The following TSPAN12 variants were observed in gnomAD, a reference collection of about 807,000 sequenced individuals.
The protein encoded by TSPAN12 is tetraspanin 12.
TSPAN12 carries 19 observed loss-of-function variants against 39.2 expected under a neutral mutation model. That is an observed-to-expected ratio of 0.49 (90% CI 0.34 to 0.71). TSPAN12 has a LOEUF of 0.71. Among genes scored for constraint, TSPAN12 ranks in the 30% least tolerant of loss-of-function variants. The pLI is 0.01. For synonymous variants in TSPAN12, 119 were observed against 124.8 expected (o/e 0.95, Z 0.31); for missense variants, 314 against 359.9 (o/e 0.87, Z 1.03).
intron 5 of TSPAN12, among the ~76,000 whole-genome samples, chr7:120,811,679 AAAAAG>A (rs1176029271): frequency 1.4e-4 from 22 of 152,012 alleles, no homozygotes; most frequent in African/African-American, 5.3e-4. Flanking sequence ...CAAAAAAAAA[AAAAAG>A]AAAAGAAAAT....
chr7:120,848,446 C>A lies in TSPAN12; in HGVS notation c.66+8252G>T, dbSNP rs554506422. Among the ~76,000 whole-genome samples, 4 of 152,170 alleles carry A rather than the reference C, an allele frequency of 2.6e-5. No homozygotes were observed. The South Asian group carries it at 8.3e-4, about 32-fold the overall frequency. On this transcript the variant is annotated intron_variant, in intron 2 of 7. Coordinates refer to ENST00000222747, the MANE Select transcript of TSPAN12 (RefSeq NM_012338.4). ...AGATGGTTTCATCCTGCTAGATAAG[C>A]TGTTAGAGATTTTTAAACAAATTAG...
chr7:120,855,667 A>T (rs996864144), intron 2 of TSPAN12, among the ~76,000 whole-genome samples: 14 of 152,174 alleles, frequency 9.2e-5, no homozygotes, highest in African/African-American at 3.4e-4. Context: ...ATATTTTCAG[A>T]TTACTCACTG....
intron 2 of TSPAN12, among the ~76,000 whole-genome samples, chr7:120,849,656 T>C (rs1183852268): frequency 6.6e-6 from 1 of 152,202 alleles, no homozygotes; most frequent in Non-Finnish European, 1.5e-5. Flanking sequence ...GAAAAGGACT[T>C]CGACAAATAA....
chr7:120,827,361 GATAA>G (rs1411439311), intron 4 of TSPAN12, among the ~76,000 whole-genome samples: 7 of 151,948 alleles, frequency 4.6e-5, no homozygotes, highest in African/African-American at 1.7e-4. Flanking sequence ...TCTTTTCATT[GATAA>G]ATATATTCAT....
chr7:120,805,776 A>T (rs556631195), intron 7 of TSPAN12, among the ~76,000 whole-genome samples: 4 of 152,250 alleles, frequency 2.6e-5, no homozygotes, highest in Non-Finnish European at 4.4e-5. Flanking sequence ...GCAACAGAGG[A>T]ACAGATATTT....
chr7:120,821,870 G>T (rs1038540772), intron 4 of TSPAN12, among the ~76,000 whole-genome samples: 7 of 152,052 alleles, frequency 4.6e-5, no homozygotes, highest in African/African-American at 1.7e-4. Flanking sequence ...CCCACAAAAG[G>T]GTGTCTAATC....
At chr7:120,815,859 A>G (rs905611017) in intron 4 of TSPAN12, 56 bp from the exon 5 acceptor site, 1 of 1,480,350 alleles carries the variant, frequency 6.8e-7, no homozygotes. Context: ...TAGGCTCCTC[A>G]AAGACAGACT....
intron 2 of TSPAN12, 116 bp downstream of exon 2, chr7:120,856,582 G>T: frequency 9.7e-7 from 1 of 1,031,174 alleles, no homozygotes; most frequent in East Asian, 2.5e-5. Context: ...AAAAATAAAG[G>T]GTGTTATCCC....
Position 120,856,681 on chromosome 7 carries a change from C to G in TSPAN12, c.66+17G>C. The G allele has an allele frequency of 6.2e-7, 1 of 1,614,014 alleles. No homozygotes were observed. The highest frequency in any genetic ancestry group is 8.5e-7 in the Non-Finnish European group (1 of 1,179,830). ...AGCCAGCCGTTCCCACCTGTTGGTGCAGTGAAACTTACTTACCCAAAAGAG... is the reference window on the plus strand; with the variant it reads ...AGCCAGCCGTTCCCACCTGTTGGTGGAGTGAAACTTACTTACCCAAAAGAG... On this transcript the variant is annotated intron_variant, in intron 2 of 7. Transcript: ENST00000222747.
At chr7:120,808,718 C>T (rs1055941667) in intron 6 of TSPAN12, among the ~76,000 whole-genome samples, 2 of 152,052 alleles carry the variant, frequency 1.3e-5, no homozygotes, top group Non-Finnish European at 2.9e-5. Context: ...CGCTAAGTTG[C>T]GGTATGTGCA....
At chr7:120,857,185 G>C (rs1304154120) in intron 1 of TSPAN12, 9 of 344,200 alleles carry the variant, frequency 2.6e-5, no homozygotes, top group Non-Finnish European at 5.1e-5. Context: ...CTCGAGGACA[G>C]CTGTGCTCGG....
intron 4 of TSPAN12, among the ~76,000 whole-genome samples, chr7:120,831,224 G>A (rs1385712428): frequency 6.6e-6 from 1 of 152,056 alleles, no homozygotes; most frequent in Non-Finnish European, 1.5e-5. Context: ...AGCCATTATG[G>A]AGAGCAGTAT....
chr7:120,835,836 T>G (rs944550120), intron 4 of TSPAN12, among the ~76,000 whole-genome samples: 1 of 152,168 alleles, frequency 6.6e-6, no homozygotes, highest in African/African-American at 2.4e-5. Context: ...ATGAAAGTAC[T>G]GAGAAGAAAT....
chr7:120,843,490 C>A (rs1335641036), intron 2 of TSPAN12, among the ~76,000 whole-genome samples: 2 of 152,196 alleles, frequency 1.3e-5, no homozygotes, highest in Non-Finnish European at 2.9e-5. Flanking sequence ...CCACTACACA[C>A]CTGCCCTAAT....
At chr7:120,832,521 C>T (rs1043935620) in intron 4 of TSPAN12, among the ~76,000 whole-genome samples, 1 of 152,022 alleles carries the variant, frequency 6.6e-6, no homozygotes, top group African/African-American at 2.4e-5. Flanking sequence ...ACCGGCAAAC[C>T]CTTATGTATT....
At chr7:120,845,568 C>T (rs1309269978) in intron 2 of TSPAN12, among the ~76,000 whole-genome samples, 1 of 152,176 alleles carries the variant, frequency 6.6e-6, no homozygotes, top group Non-Finnish European at 1.5e-5. Flanking sequence ...CCAGATTACC[C>T]TAAATCATCA....
chr7:120,846,738 C>A (rs1474622496), intron 2 of TSPAN12, among the ~76,000 whole-genome samples: 2 of 152,164 alleles, frequency 1.3e-5, no homozygotes, highest in Non-Finnish European at 2.9e-5. Flanking sequence ...ACAGGTTAAT[C>A]AACTTATCAG....
chr7:120,808,664 T>TA (rs1355315337), intron 6 of TSPAN12, among the ~76,000 whole-genome samples: 1 of 152,172 alleles, frequency 6.6e-6, no homozygotes, highest in East Asian at 1.9e-4. Context: ...GTTAGTATTC[T>TA]AAAAACGTAT....
chr7:120,844,278 A>G (rs944679870), intron 2 of TSPAN12, among the ~76,000 whole-genome samples: 22 of 152,256 alleles, frequency 1.4e-4, no homozygotes, highest in African/African-American at 4.8e-4. Context: ...AATCCAAACC[A>G]TATCATTCAA....
Sources: gnomAD v4.1 joint callset for allele counts (sites outside exome capture counted in the v4.1 genomes callset) on GRCh38, gnomAD v4.1.1 for gene constraint, MANE v1.5 for transcripts, NCBI Gene and HGNC (gene_info 2026-07-23, HGNC 2026-07-21) for gene names.